Variants in INKA2 observed in about 807,000 individuals in gnomAD.
INKA2 encodes PAK4-inhibitor INKA2.
In INKA2, 3 loss-of-function variants were observed where a neutral mutation model predicts 9.8. The ratio of observed to expected loss-of-function variants is 0.31; its 90% CI spans 0.14 to 0.79. The LOEUF (loss-of-function observed/expected upper bound fraction) is 0.79. Ranked by LOEUF, INKA2 falls within the 30% of genes least tolerant of loss-of-function variation. The probability of loss-of-function intolerance (pLI) is 0.62; values close to 1 mark genes in which losing one functional copy is unlikely to be tolerated. For missense variants in INKA2, 392 were observed against 384.4 expected (o/e 1.02, Z -0.17); for synonymous variants, 147 against 143.3 (o/e 1.03, Z -0.18).
chr1:111,731,437 G>A (rs377190043), intron 1 of INKA2, among the ~76,000 whole-genome samples: 50 of 151,542 alleles, frequency 3.3e-4, no homozygotes, highest in African/African-American at 1.1e-3. Flanking sequence ...CACAACCTCC[G>A]CCTCCTGGGT....
intron 1 of INKA2, among the ~76,000 whole-genome samples, chr1:111,748,155 G>A (rs770675866): frequency 6.6e-6 from 1 of 152,208 alleles, no homozygotes. Context: ...GGCTAGTTGC[G>A]AATTAGCATT....
At chr1:111,732,903 G>T (rs977815348) in intron 1 of INKA2, among the ~76,000 whole-genome samples, 1 of 152,138 alleles carries the variant, frequency 6.6e-6, no homozygotes, top group Non-Finnish European at 1.5e-5. Flanking sequence ...TGACTTACTC[G>T]GCCACATGAC....
chr1:111,730,969 T>A (rs1353727124), intron 1 of INKA2, among the ~76,000 whole-genome samples: 1 of 152,058 alleles, frequency 6.6e-6, no homozygotes, highest in Admixed American at 6.6e-5. Context: ...CAAGGTTTCG[T>A]TTCACCCAGA....
Position 111,727,441 on chromosome 1 carries a change from A to G in INKA2, c.421T>C (p.Trp141Arg). Residue 141 changes from tryptophan (W) to arginine (R), a missense_variant, in exon 2 of 2, where the codon TGG (tryptophan) becomes CGG (arginine). Trp to Arg is a moderately radical substitution (Grantham distance 101). Transcript: ENST00000357260. ...CCCCGGGACATCAACGTGGAGGTCC[A>G]GTCATCCGGTTCCACTCGCTCTGGC... ...QGPERVEPDD[W>R]TSTLMSRGRN... 1 of 1,614,204 alleles carries G rather than the reference A, an allele frequency of 6.2e-7. No individual in the cohort carries two copies. The highest frequency in any genetic ancestry group is 1.1e-5 in the South Asian group (1 of 91,080).
At chr1:111,745,293 A>ATATATATATATTTTTTTT (rs1358304932) in intron 1 of INKA2, 1 of 49,270 alleles carries the variant, frequency 2.0e-5, no homozygotes, top group Non-Finnish European at 3.7e-5. Flanking sequence ...ATATATATAT[A>ATATATATATATTTTTTTT]TTTTTTTTTT....
At chr1:111,728,359 T>G (rs1662838220) in intron 1 of INKA2, among the ~76,000 whole-genome samples, 1 of 152,202 alleles carries the variant, frequency 6.6e-6, no homozygotes, top group African/African-American at 2.4e-5. Flanking sequence ...CATCTTTATA[T>G]AGACCGTATG....
intron 1 of INKA2, chr1:111,745,291 A>ATCTT (rs1300146205): frequency 2.0e-5 from 1 of 49,360 alleles, no homozygotes; most frequent in Non-Finnish European, 3.6e-5. Flanking sequence ...ATATATATAT[A>ATCTT]TATTTTTTTT....
At chr1:111,730,109 G>C (rs1275189732) in intron 1 of INKA2, among the ~76,000 whole-genome samples, 1 of 152,192 alleles carries the variant, frequency 6.6e-6, no homozygotes, top group Non-Finnish European at 1.5e-5. Flanking sequence ...ACATGTTGTT[G>C]ACAGCCCCTC....
intron 1 of INKA2, among the ~76,000 whole-genome samples, chr1:111,750,889 C>T (rs894807788): frequency 6.6e-5 from 10 of 152,190 alleles, no homozygotes; most frequent in South Asian, 2.1e-4. Flanking sequence ...TCCTCATGTC[C>T]AGGTCATTTC....
intron 1 of INKA2, chr1:111,755,534 G>A: frequency 1.4e-6 from 1 of 726,788 alleles, no homozygotes; most frequent in South Asian, 2.0e-5. Flanking sequence ...GAAAACGGAA[G>A]CACGAGACGG....
upstream of INKA2, among the ~76,000 whole-genome samples, chr1:111,742,970 GTAAC>G: frequency 6.6e-6 from 1 of 152,226 alleles, no homozygotes; most frequent in Non-Finnish European, 1.5e-5. Context: ...TGCTGAAGAG[GTAAC>G]TCTCATCTGG....
intron 1 of INKA2, among the ~76,000 whole-genome samples, chr1:111,729,153 G>C (rs939102008): frequency 9.9e-5 from 15 of 152,160 alleles, no homozygotes; most frequent in Admixed American, 9.8e-4. Flanking sequence ...GGAAAAGGAA[G>C]AGCTCAGATT....
intron 1 of INKA2, among the ~76,000 whole-genome samples, chr1:111,748,987 AC>A (rs1269608306): frequency 2.0e-5 from 3 of 152,170 alleles, no homozygotes; most frequent in African/African-American, 7.2e-5. Flanking sequence ...CCCTCTCCAT[AC>A]CTTACATGGC....
In INKA2 at chr1:111,723,323, C is replaced by A; in HGVS notation, c.*3645G>T. ...GGGCAAGTTTGGGTTCAGAGATCACCCTGAGGGGCGGGGCACAAGGGAAGT... is the reference window on the plus strand; with the variant it reads ...GGGCAAGTTTGGGTTCAGAGATCACACTGAGGGGCGGGGCACAAGGGAAGT... On this transcript the variant is annotated 3_prime_UTR_variant, in exon 2 of 2. Coordinates refer to ENST00000357260, the MANE Select transcript of INKA2 (RefSeq NM_019099.5). 2.0e-6 allele frequency: 1 copy of A among 507,746 alleles called. No homozygotes were observed. The highest frequency in any genetic ancestry group is 3.5e-6 in the Non-Finnish European group (1 of 288,564). The allele number at this position is 507,746 out of a possible 1,614,324, so 31.5% of individuals were successfully genotyped here. A position where few individuals can be genotyped will look rare whatever the true frequency, so the allele number is the denominator to read the frequency against.
intron 1 of INKA2, 91 bp from the exon 2 acceptor site, chr1:111,727,895 T>G: frequency 8.0e-7 from 1 of 1,256,022 alleles, no homozygotes; most frequent in Non-Finnish European, 1.1e-6. Flanking sequence ...CACCCAAACA[T>G]ACACTTCCAG....
At chr1:111,755,722 C>T (rs749500927) in exon 1 of INKA2, 3 of 1,613,936 alleles carry the variant, frequency 1.9e-6, no homozygotes, top group Admixed American at 3.3e-5. Context: ...TCTTTCCTCT[C>T]CTCCCTCTTG....
In INKA2 at chr1:111,726,958, T is replaced by A; in HGVS notation, c.*10A>T. 6.2e-7 allele frequency: 1 copy of A among 1,608,040 alleles called. No homozygotes were observed. The highest frequency in any genetic ancestry group is 8.5e-7 in the Non-Finnish European group (1 of 1,176,236). Reference sequence around the variant, plus strand: ...CCTTTCAGGCTCAGTCAACTTTCTGTCTCTAGGATTCAGACCCAAACAGCT... The same window carrying A: ...CCTTTCAGGCTCAGTCAACTTTCTGACTCTAGGATTCAGACCCAAACAGCT... On this transcript the variant is annotated 3_prime_UTR_variant, in exon 2 of 2. Transcript: ENST00000357260.
At position 111,727,208 on chromosome 1, in the gene INKA2, CA is replaced by C; in HGVS notation, c.653del (p.Val218GlyfsTer9). The C allele has an allele frequency of 1.9e-6, 3 of 1,614,244 alleles. No homozygotes were observed. Among genetic ancestry groups the C allele is most frequent in the Non-Finnish European group, 2.5e-6 (3 of 1,180,040 alleles). On this transcript the variant is annotated frameshift_variant, in exon 2 of 2. Coordinates refer to ENST00000357260, the MANE Select transcript of INKA2 (RefSeq NM_019099.5). LOFTEE classifies it high-confidence loss of function. ...TCAGCAGCCGGTCACGGTCAGGCCGCACACTACGCAAGAACTTCTTAAAGAT... is the reference window on the plus strand; with the variant it reads ...TCAGCAGCCGGTCACGGTCAGGCCGCCACTACGCAAGAACTTCTTAAAGAT... ...ANIFKKFLRS[V>X]RPDRDRLLKE... is the part of the protein sequence containing the mutation.
upstream of INKA2, among the ~76,000 whole-genome samples, chr1:111,742,173 C>G (rs1571598715): frequency 6.6e-6 from 1 of 152,222 alleles, no homozygotes; most frequent in African/African-American, 2.4e-5. Context: ...GCGGTTGGGT[C>G]TTCTGTGCTG....
Sources: gnomAD v4.1 joint callset for allele counts (sites outside exome capture counted in the v4.1 genomes callset) on GRCh38, gnomAD v4.1.1 for gene constraint, MANE v1.5 for transcripts, NCBI Gene and HGNC (gene_info 2026-07-23, HGNC 2026-07-21) for gene names.